HK1: variants seen among roughly 807,000 people sequenced by gnomAD.
HK1 encodes hexokinase 1.
Under a neutral mutation model 91.6 loss-of-function variants are expected in HK1, and 28 were observed. The ratio of observed to expected loss-of-function variants is 0.31; its 90% CI spans 0.23 to 0.42. HK1 has a LOEUF of 0.42. HK1 is among the 10% of genes least tolerant of loss of function. The pLI, the probability that HK1 is intolerant of heterozygous loss-of-function variation, is 1.00. For missense variants in HK1, 770 were observed against 1,219.8 expected, an observed-to-expected ratio of 0.63 and a Z score of 5.49; for synonymous variants, 430 against 468.1, an observed-to-expected ratio of 0.92 and a Z score of 1.05.
intron 3 of HK1, among the ~76,000 whole-genome samples, chr10:69,360,716 C>T (rs1214771217): frequency 6.6e-6 from 1 of 152,200 alleles, no homozygotes; most frequent in Non-Finnish European, 1.5e-5. Flanking sequence ...CACCTGCCCC[C>T]TCCTCTCTGG....
intron 13 of HK1, chr10:69,386,856 A>G (rs1223372617): frequency 2.0e-5 from 3 of 153,044 alleles, no homozygotes; most frequent in African/African-American, 7.2e-5. Context: ...TGGCCAAGAA[A>G]AGCTCCCTAT....
chr10:69,325,553 T>C (rs1456150940), intron 1 of HK1, among the ~76,000 whole-genome samples: 3 of 141,112 alleles, frequency 2.1e-5, no homozygotes, highest in African/African-American at 8.1e-5. Flanking sequence ...TGAGATGGGG[T>C]CTCACTCTGT....
rs1839137792 is a variant in HK1, at chr10:69,376,872, C to T, written c.876-62C>T. ...GCTTCCCATTCCTTTTATGTCTGTC[C>T]CAGCCCTCGTGTGTGGGGCGCAGAG... On this transcript the variant is annotated intron_variant, in intron 7 of 17. Coordinates refer to ENST00000359426, the MANE Select transcript of HK1 (RefSeq NM_000188.3). 2.5e-6 allele frequency: 4 copies of T among 1,597,432 alleles called. No individual in the cohort carries two copies. The Admixed American group carries it at 5.0e-5, about 20-fold the overall frequency.
At chr10:69,310,202 C>T (rs1846303696) in intron 5 of HK1, among the ~76,000 whole-genome samples, 1 of 151,054 alleles carries the variant, frequency 6.6e-6, no homozygotes, top group African/African-American at 2.4e-5. Context: ...AGGCAGATCA[C>T]TTGAGGTCAG....
chr10:69,298,633 G>A (rs113012806), intron 4 of HK1, among the ~76,000 whole-genome samples: 1 of 150,024 alleles, frequency 6.7e-6, no homozygotes. Flanking sequence ...CTCTTAAAAG[G>A]AAAAAAAAAA....
At chr10:69,325,690 C>T (rs113951652) in intron 1 of HK1, among the ~76,000 whole-genome samples, 2,155 of 152,002 alleles carry the variant, frequency 0.014, 54 homozygotes, top group African/African-American at 0.049. Flanking sequence ...TCGCCTGCCA[C>T]CATGCCCGGC....
Position 69,401,387 on chromosome 10 carries a change from C to A in HK1, c.*252C>A, listed in dbSNP as rs1358992235. The A allele has an allele frequency of 1.7e-6, 1 of 581,920 alleles. No homozygotes were observed. The allele number at this position is 581,920 out of a possible 1,614,324, so 36.0% of individuals were successfully genotyped here. On this transcript the variant is annotated 3_prime_UTR_variant, in exon 18 of 18. Transcript: ENST00000359426. The stretch of plus-strand genomic sequence containing the variant: ...ATGGTTTGATTTTGACCTGGTCCCC[C>A]ACGTGTGAAGTGTAGTGGCATCCAT...
intron 1 of HK1, among the ~76,000 whole-genome samples, chr10:69,324,333 A>G (rs1010555813): frequency 3.3e-5 from 5 of 152,012 alleles, no homozygotes; most frequent in African/African-American, 9.7e-5. Context: ...GCTCATGCCT[A>G]TAATCCCAGC....
upstream of HK1, chr10:69,318,300 T>A: frequency 1.1e-6 from 1 of 869,660 alleles, no homozygotes; most frequent in Non-Finnish European, 1.4e-6. Flanking sequence ...CTGCGTAGCG[T>A]CCCCGGCTCC....
At chr10:69,331,686 G>A (rs1847724341) in intron 1 of HK1, among the ~76,000 whole-genome samples, 1 of 152,106 alleles carries the variant, frequency 6.6e-6, no homozygotes. Context: ...ATCAGCCAGG[G>A]CAATATAGCG....
At chr10:69,305,074 A>G (rs1846043771) in intron 5 of HK1, among the ~76,000 whole-genome samples, 1 of 152,026 alleles carries the variant, frequency 6.6e-6, no homozygotes, top group Admixed American at 6.6e-5. Flanking sequence ...CTTTCTGTGT[A>G]TGTCCCTTCA....
At chr10:69,376,837 G>A in intron 7 of HK1, 97 bp from the exon 8 acceptor site, 1 of 1,467,388 alleles carries the variant, frequency 6.8e-7, no homozygotes, top group Admixed American at 1.7e-5. Context: ...CTGGTGAGGG[G>A]TGAGTCGGGG....
At position 69,369,594 on chromosome 10, in the gene HK1, A is replaced by G; in HGVS notation, c.845A>G (p.Asp282Gly). The G allele has an allele frequency of 6.2e-7, 1 of 1,614,178 alleles. No homozygotes were observed. Among genetic ancestry groups the G allele is most frequent in the Non-Finnish European group, 8.5e-7 (1 of 1,180,042 alleles). ...CGGACAGAGTTTGACAGGGAGATAG[A>G]CCGGGGATCCCTCAACCCTGGAAAA... ...DIRTEFDREI[D>G]RGSLNPGKQL... Residue 282 changes from aspartate to glycine, a missense_variant, in exon 7 of 18, where the codon GAC (aspartate) becomes GGC (glycine). Asp to Gly is a moderately conservative substitution (Grantham distance 94). Around this residue, in one of 7 missense-constraint regions of HK1, gnomAD observed 449 missense variants for 665.1 expected, o/e 0.68. Transcript: ENST00000359426. This position sits in a 1 kb window ranked among gnomAD's most constrained non-coding sequence, Gnocchi z 4.4.
At chr10:69,348,894 G>C (rs990556807) in intron 2 of HK1, among the ~76,000 whole-genome samples, 1 of 152,138 alleles carries the variant, frequency 6.6e-6, no homozygotes, top group Admixed American at 6.5e-5. Flanking sequence ...CTGTATTCCA[G>C]CACAGGCTGG....
At chr10:69,353,633 AAAG>A (rs1392443272) in intron 2 of HK1, among the ~76,000 whole-genome samples, 1 of 137,810 alleles carries the variant, frequency 7.3e-6, no homozygotes. Flanking sequence ...AAAAAAAAAA[AAAG>A]CAAAAAGAAG....
At chr10:69,385,748 T>C (rs748231575) in intron 12 of HK1, among the ~76,000 whole-genome samples, 18 of 152,180 alleles carry the variant, frequency 1.2e-4, no homozygotes, top group Admixed American at 6.5e-5. Flanking sequence ...CTTGGGACTT[T>C]TTTCTTCTGA....
chr10:69,276,765 TTAA>T lies in HK1; in HGVS notation c.-390-5756_-390-5754del, dbSNP rs528625783. ...AACATCAAATCATTCAATCATTTAA[TTAA>T]TAATAATTATAACTATAACTATTAT... On this transcript the variant is annotated intron_variant, in intron 1 of 21. Transcript: ENST00000360289. Among the ~76,000 whole-genome samples, 368 of 149,694 alleles carry T rather than the reference TTAA, an allele frequency of 2.5e-3. 2 individuals are homozygous for T. The highest frequency in any genetic ancestry group is 8.3e-3 in the African/African-American group (341 of 41,072).
chr10:69,279,214 C>A (rs1197638206), intron 1 of HK1, among the ~76,000 whole-genome samples: 1 of 152,154 alleles, frequency 6.6e-6, no homozygotes, highest in Non-Finnish European at 1.5e-5. Flanking sequence ...TGTATTTCTT[C>A]CTGGGCTTTA....
chr10:69,298,958 G>T (rs1270384411), intron 4 of HK1, among the ~76,000 whole-genome samples: 8 of 149,890 alleles, frequency 5.3e-5, no homozygotes, highest in Non-Finnish European at 1.0e-4. Context: ...TTATTTTTTG[G>T]AAACAGAGTC....
Sources: gnomAD v4.1 joint callset for allele counts (sites outside exome capture counted in the v4.1 genomes callset) on GRCh38, gnomAD v4.1.1 for gene constraint, gnomAD v4.1.1 regional missense constraint, Gnocchi (gnomAD v3.1) non-coding constraint, MANE v1.5 for transcripts, NCBI Gene and HGNC (gene_info 2026-07-23, HGNC 2026-07-21) for gene names.